Variants in AKAP9 observed in about 807,000 individuals in gnomAD.
The protein encoded by AKAP9 is A-kinase anchor protein 9.
AKAP9 carries 311 observed loss-of-function variants against 488.5 expected under a neutral mutation model. The observed-to-expected ratio is 0.64, with a 90% CI of 0.58 to 0.70. AKAP9 has a LOEUF of 0.70. Ranked by LOEUF, AKAP9 falls within the 30% of genes least tolerant of loss-of-function variation. AKAP9 has a pLI of 0.00. For synonymous variants in AKAP9, 1,462 were observed against 1,483.5 expected (o/e 0.99, Z 0.33); for missense variants, 4,215 against 4,374.5 (o/e 0.96, Z 1.03).
At chr7:92,059,963 A>G (rs1335080219) in intron 22 of AKAP9, among the ~76,000 whole-genome samples, 2 of 151,918 alleles carry the variant, frequency 1.3e-5, no homozygotes, top group African/African-American at 2.4e-5. Flanking sequence ...TTAATTTTCT[A>G]TTATGAGTCT....
rs532128328 is a variant in AKAP9 at position 92,000,832 on chromosome 7, A to AT, written c.931-8dup. 47 of 1,301,194 alleles carry AT rather than the reference A, an allele frequency of 3.6e-5. No individual in the cohort carries two copies. Among genetic ancestry groups the AT allele is most frequent in the South Asian group, 1.3e-4 (9 of 67,712 alleles). The allele number at this position is 1,301,194 out of a possible 1,614,324, so 80.6% of individuals were successfully genotyped here. A position where few individuals can be genotyped will look rare whatever the true frequency, so the allele number is the denominator to read the frequency against. ...CTAAAAATGCCATTCTTACATTTTCATTTTTTTTCCTAAAGGAACAAGATA... is the reference window on the plus strand; with the variant it reads ...CTAAAAATGCCATTCTTACATTTTCATTTTTTTTTCCTAAAGGAACAAGATA... On this transcript the variant is annotated splice_polypyrimidine_tract_variant and intron_variant, in intron 7 of 49. Transcript: ENST00000356239.
At chr7:91,966,912 T>C (rs948566433) in intron 1 of AKAP9, among the ~76,000 whole-genome samples, 6 of 152,212 alleles carry the variant, frequency 3.9e-5, no homozygotes, top group Non-Finnish European at 7.3e-5. Context: ...TAAATTGCTT[T>C]GGATAGTATC....
chr7:92,086,465 G>T, intron 37 of AKAP9, 49 bp downstream of exon 37: 1 of 1,445,116 alleles, frequency 6.9e-7, no homozygotes, highest in South Asian at 1.1e-5. Context: ...ATAAGGAAAT[G>T]ACTATTGATT....
At chr7:92,082,488 A>G in intron 31 of AKAP9, 34 bp from the exon 32 acceptor site, 1 of 1,607,714 alleles carries the variant, frequency 6.2e-7, no homozygotes, top group Admixed American at 1.7e-5. Context: ...TTTTTTTTAA[A>G]TTATGTGTTT....
chr7:91,992,841 A>G (rs1431110058), intron 4 of AKAP9, 44 bp from the exon 5 acceptor site: 1 of 1,566,982 alleles, frequency 6.4e-7, no homozygotes, highest in South Asian at 1.1e-5. Context: ...CTCCCTAAGG[A>G]ATATTGCTAA....
At position 92,099,648 on chromosome 7, in the gene AKAP9, T is replaced by C. The variant is rs1383876023; in HGVS notation, c.10714-39T>C. 3.8e-6 allele frequency: 6 copies of C among 1,598,908 alleles called. No individual in the cohort carries two copies. In the Admixed American group the frequency reaches 1.0e-4, roughly 27 times the overall value. ...ACTTTATATGCATTATTCACATCCA[T>C]TTGTGCTTAAGTGACCTTACACCAT... On this transcript the variant is annotated intron_variant, in intron 43 of 49. Transcript: ENST00000356239.
At chr7:91,942,813 A>T (rs1448397515) in intron 1 of AKAP9, among the ~76,000 whole-genome samples, 1 of 152,144 alleles carries the variant, frequency 6.6e-6, no homozygotes, top group African/African-American at 2.4e-5. Context: ...AAACCTGTTT[A>T]AGGTGAATTT....
chr7:92,061,519 T>C, intron 23 of AKAP9, 97 bp downstream of exon 23: 1 of 1,353,696 alleles, frequency 7.4e-7, no homozygotes, highest in Non-Finnish European at 1.0e-6. Context: ...GTCAATCCAA[T>C]TTAGAATGAC....
rs566937987 is a variant in AKAP9 at position 92,096,928 on chromosome 7, C to A, written c.9969C>A (p.His3323Gln). 6.2e-7 allele frequency: 1 copy of A among 1,614,180 alleles called. No individual in the cohort carries two copies. The highest frequency in any genetic ancestry group is 1.7e-5 in the Admixed American group (1 of 60,014). ...CCCTAGATAGGGAGCGGGAATTGCACGCACAGCTGCAGAGCAGTGATGGTA... is the reference window on the plus strand; with the variant it reads ...CCCTAGATAGGGAGCGGGAATTGCAAGCACAGCTGCAGAGCAGTGATGGTA... ...SSTLDRERELHAQLQSSDGTG... is the reference protein window; with the variant it reads ...SSTLDRERELQAQLQSSDGTG... The change falls in exon 41 of 50, where the codon CAC (histidine) becomes CAA (glutamine). Residue 3323 changes from histidine to glutamine, a missense_variant. Coordinates refer to ENST00000356239, the MANE Select transcript of AKAP9 (RefSeq NM_005751.5).
chr7:91,941,155 AGCCCGAGGCAACCGG>A lies in AKAP9; in HGVS notation c.48+12_48+26del. 6.2e-7 allele frequency: 1 copy of A among 1,613,590 alleles called. No individual in the cohort carries two copies. The highest frequency in any genetic ancestry group is 1.1e-5 in the South Asian group (1 of 91,082). On this transcript the variant is annotated intron_variant, in intron 1 of 49. Coordinates refer to ENST00000356239, the MANE Select transcript of AKAP9 (RefSeq NM_005751.5). ...GAGGCCGGCAAAGCCAAGGTAGGAG[AGCCCGAGGCAACCGG>A]GCCTGCGGTGGGAGGCGGTGGCTAG... is the stretch of plus-strand genomic sequence containing the variant.
At chr7:92,032,576 T>C (rs1240165310) in intron 16 of AKAP9, among the ~76,000 whole-genome samples, 1 of 152,082 alleles carries the variant, frequency 6.6e-6, no homozygotes, top group East Asian at 1.9e-4. Context: ...ATTTCAGCTG[T>C]CTTAATATAA....
chr7:91,983,631 A>G (rs911435460), intron 3 of AKAP9, among the ~76,000 whole-genome samples: 1 of 152,208 alleles, frequency 6.6e-6, no homozygotes, highest in African/African-American at 2.4e-5. Flanking sequence ...TGCTTCTAAA[A>G]TATCTACTAA....
rs28412174 is a variant in AKAP9, at chr7:91,947,931, T to A, written c.48+6784T>A. ...ATCTTTCCATCTCAAAATATAACCCTGTGCCCATTAAGCAGATATTCTTCA... is the reference window on the plus strand; with the variant it reads ...ATCTTTCCATCTCAAAATATAACCCAGTGCCCATTAAGCAGATATTCTTCA... On this transcript the variant is annotated intron_variant, in intron 1 of 49. Coordinates refer to ENST00000356239, the MANE Select transcript of AKAP9 (RefSeq NM_005751.5). Among the ~76,000 whole-genome samples, 8 of 152,058 alleles carry A rather than the reference T, an allele frequency of 5.3e-5. No individual in the cohort carries two copies. In the East Asian group the frequency reaches 5.8e-4, roughly 11 times the overall value.
rs1193122767 is a variant in AKAP9, at chr7:92,045,196, A to G, written c.5351A>G (p.His1784Arg). The change falls in exon 21 of 50, where the codon CAT becomes CGT. Residue 1784 changes from histidine to arginine, a missense_variant. His to Arg is a conservative substitution (Grantham distance 29). This residue lies in a region of AKAP9 where 2,361 missense variants were observed against 2,430.0 expected (regional missense o/e 0.97). Coordinates refer to ENST00000356239, the MANE Select transcript of AKAP9 (RefSeq NM_005751.5). ...EAEASVKSCV[H>R]EEHTRVTDES... ...GAGGCATCTGTAAAGTCATGTGTCC[A>G]TGAGGAACATACAAGAGGTACTAGT... 38 of 1,613,962 alleles carry G rather than the reference A, an allele frequency of 2.4e-5. No homozygotes were observed. The highest frequency in any genetic ancestry group is 1.3e-4 in the East Asian group (6 of 44,866).
intron 1 of AKAP9, among the ~76,000 whole-genome samples, chr7:91,947,644 A>G (rs10953063): frequency 0.6 from 91,456 of 152,080 alleles, 27,802 homozygotes; most frequent in East Asian, 0.83. Flanking sequence ...CCGGCCGCAA[A>G]CATTTATTTA....
chr7:91,952,124 G>T (rs1175433521), intron 1 of AKAP9, among the ~76,000 whole-genome samples: 1 of 152,004 alleles, frequency 6.6e-6, no homozygotes, highest in Non-Finnish European at 1.5e-5. Flanking sequence ...AGATAACTTA[G>T]TATTTACTCG....
At chr7:92,040,108 T>G (rs1198904117) in intron 17 of AKAP9, among the ~76,000 whole-genome samples, 1 of 152,226 alleles carries the variant, frequency 6.6e-6, no homozygotes. Context: ...CAGGAAATGA[T>G]GTACTCGTAG....
intron 21 of AKAP9, among the ~76,000 whole-genome samples, chr7:92,051,894 T>G (rs1436102592): frequency 1.3e-5 from 2 of 152,194 alleles, no homozygotes; most frequent in African/African-American, 4.8e-5. Context: ...AAAGGAGTAT[T>G]TAATGGCAGT....
intron 20 of AKAP9, chr7:92,043,426 A>T: frequency 1.4e-6 from 1 of 705,066 alleles, no homozygotes; most frequent in South Asian, 6.4e-5. Flanking sequence ...CACTTTGTTT[A>T]TTTTATATTA....
Sources: allele counts gnomAD v4.1 joint callset (sites outside exome capture counted in the v4.1 genomes callset), GRCh38; gene constraint gnomAD v4.1.1; regional missense constraint gnomAD v4.1.1; transcripts MANE v1.5; gene names NCBI Gene and HGNC (gene_info 2026-07-23, HGNC 2026-07-21).